The following AGTR1 variants were observed in gnomAD, a reference collection of about 807,000 sequenced individuals.
AGTR1 encodes angiotensin II receptor type 1.
A neutral mutation model predicts 19.4 loss-of-function variants in AGTR1; 16 were observed. That is an observed-to-expected ratio of 0.82 (90% CI 0.56 to 1.25). The LOEUF (loss-of-function observed/expected upper bound fraction) is 1.25, where lower values mean the gene tolerates loss of function less well. Ranked by LOEUF, AGTR1 falls within the 50% of genes most tolerant of loss-of-function variation. The pLI, the probability that AGTR1 is intolerant of heterozygous loss-of-function variation, is 0.00. For missense variants in AGTR1, 373 were observed against 431.9 expected (o/e 0.86, Z 1.21); for synonymous variants, 153 against 154.9 (o/e 0.99, Z 0.09).
intron 2 of AGTR1, among the ~76,000 whole-genome samples, chr3:148,725,682 C>T (rs1481458449): frequency 1.3e-5 from 2 of 152,056 alleles, no homozygotes; most frequent in Non-Finnish European, 2.9e-5. Flanking sequence ...GGGGTTTCAC[C>T]ATGTTGGCCA....
At position 148,741,920 on chromosome 3, in the gene AGTR1, T is replaced by C. The variant is rs1288771459; in HGVS notation, c.885T>C (p.Asn295=). The C allele has an allele frequency of 1.2e-6, 2 of 1,614,128 alleles. No individual in the cohort carries two copies. Among genetic ancestry groups the C allele is most frequent in the East Asian group, 2.2e-5 (1 of 44,884 alleles). Residue 295 remains asparagine, a synonymous_variant, in exon 3 of 3, where the codon AAT becomes AAC. Transcript: ENST00000349243. The part of the protein sequence containing the change: ...PITICIAYFN[N]CLNPLFYGFL... The stretch of plus-strand genomic sequence containing the variant: ...CCATTTGTATAGCTTATTTTAACAA[T>C]TGCCTGAATCCTCTTTTTTATGGCT...
chr3:148,707,683 C>A (rs1712748391), intron 1 of AGTR1, among the ~76,000 whole-genome samples: 1 of 152,062 alleles, frequency 6.6e-6, no homozygotes, highest in Non-Finnish European at 1.5e-5. Context: ...CTAAAACGTT[C>A]TTTTTCTCTT....
At chr3:148,698,656 C>T (rs1712133988) in intron 1 of AGTR1, among the ~76,000 whole-genome samples, 1 of 152,128 alleles carries the variant, frequency 6.6e-6, no homozygotes, top group Admixed American at 6.5e-5. Flanking sequence ...GGGTCCTAGA[C>T]ACGGGACATC....
At chr3:148,718,010 C>T (rs554085867) in intron 2 of AGTR1, among the ~76,000 whole-genome samples, 1 of 152,188 alleles carries the variant, frequency 6.6e-6, no homozygotes, top group African/African-American at 2.4e-5. Flanking sequence ...TGAAATGAAC[C>T]CAGCTGATCT....
Position 148,741,443 on chromosome 3 carries a change from C to A in AGTR1, c.408C>A (p.Ser136=), listed in dbSNP as rs1467552528. Residue 136 remains serine (S), a synonymous_variant, in exon 3 of 3, where the codon TCC becomes TCA. Coordinates refer to ENST00000349243, the MANE Select transcript of AGTR1 (RefSeq NM_000685.5). ...RYLAIVHPMK[S]RLRRTMLVAK... ...TGGCTATTGTTCACCCAATGAAGTC[C>A]CGCCTTCGACGCACAATGCTTGTAG... is the stretch of plus-strand genomic sequence containing the variant. 1.6e-5 allele frequency: 25 copies of A among 1,608,856 alleles called. No homozygotes were observed. Among genetic ancestry groups the A allele is most frequent in the East Asian group, 2.2e-5 (1 of 44,880 alleles).
Position 148,741,961 on chromosome 3 carries a change from T to G in AGTR1, c.926T>G (p.Phe309Cys), listed in dbSNP as rs549928178. The change falls in exon 3 of 3, where the codon TTT (phenylalanine) becomes TGT (cysteine). Residue 309 changes from phenylalanine to cysteine, a missense_variant. Physicochemically the swap from Phe to Cys is radical, Grantham distance 205. Transcript: ENST00000349243. Reference protein sequence around the residue: ...PLFYGFLGKKFKRYFLQLLKY... With the variant: ...PLFYGFLGKKCKRYFLQLLKY... The stretch of plus-strand genomic sequence containing the variant: ...TTTTATGGCTTTCTGGGGAAAAAAT[T>G]TAAAAGATATTTTCTCCAGCTTCTA... 3.7e-6 allele frequency: 6 copies of G among 1,613,736 alleles called. No individual in the cohort carries two copies. Among genetic ancestry groups the G allele is most frequent in the Admixed American group, 1.7e-5 (1 of 59,954 alleles).
intron 2 of AGTR1, among the ~76,000 whole-genome samples, chr3:148,736,635 GA>G (rs1000765650): frequency 1.3e-5 from 2 of 151,846 alleles, no homozygotes; most frequent in Non-Finnish European, 2.9e-5. Context: ...TCCTACAGAT[GA>G]AAAAAAACTG....
intron 2 of AGTR1, among the ~76,000 whole-genome samples, chr3:148,739,596 G>A (rs1488881805): frequency 6.6e-6 from 1 of 152,164 alleles, no homozygotes. Flanking sequence ...TACTTACTCA[G>A]GGAAGGCAAA....
intron 2 of AGTR1, among the ~76,000 whole-genome samples, chr3:148,724,085 A>G (rs1321511613): frequency 6.6e-6 from 1 of 152,158 alleles, no homozygotes; most frequent in Non-Finnish European, 1.5e-5. Context: ...AAAACATTTT[A>G]AAATAGGATC....
At chr3:148,720,492 A>C (rs1201890321) in intron 2 of AGTR1, among the ~76,000 whole-genome samples, 1 of 152,196 alleles carries the variant, frequency 6.6e-6, no homozygotes, top group African/African-American at 2.4e-5. Flanking sequence ...TCAAATCAAA[A>C]ATAATATATT....
Position 148,723,374 on chromosome 3 carries a change from C to T in AGTR1, c.-48+15347C>T, listed in dbSNP as rs148208327. On this transcript the variant is annotated intron_variant, in intron 2 of 2. Coordinates refer to ENST00000349243, the MANE Select transcript of AGTR1 (RefSeq NM_000685.5). ...AAAATATTTTAAAATGTAAACTCCT[C>T]ACCAGTCATCTAGCCAGGGCCACTG... Among the ~76,000 whole-genome samples, 44 of 152,282 alleles carry T rather than the reference C, an allele frequency of 2.9e-4. No homozygotes were observed. In the East Asian group the frequency reaches 8.5e-3, roughly 29 times the overall value.
At chr3:148,728,234 GGGAA>G (rs1714065016) in intron 2 of AGTR1, among the ~76,000 whole-genome samples, 1 of 152,118 alleles carries the variant, frequency 6.6e-6, no homozygotes, top group African/African-American at 2.4e-5. Context: ...CCTGAGCAAT[GGGAA>G]TAATGATGCC....
intron 2 of AGTR1, among the ~76,000 whole-genome samples, chr3:148,709,491 T>G (rs1056066554): frequency 6.6e-6 from 1 of 152,148 alleles, no homozygotes; most frequent in African/African-American, 2.4e-5. Flanking sequence ...GAAGAAAACA[T>G]TCTGTGAAAT....
At chr3:148,739,058 G>T (rs1386549002) in intron 2 of AGTR1, among the ~76,000 whole-genome samples, 1 of 152,138 alleles carries the variant, frequency 6.6e-6, no homozygotes, top group Non-Finnish European at 1.5e-5. Flanking sequence ...GTCAACAGAT[G>T]ATTACAATAA....
chr3:148,734,779 T>G (rs1271682373), intron 2 of AGTR1, among the ~76,000 whole-genome samples: 1 of 152,150 alleles, frequency 6.6e-6, no homozygotes, highest in African/African-American at 2.4e-5. Flanking sequence ...CTGCCATGCT[T>G]CCCTCTTCGT....
At chr3:148,706,941 G>A (rs564933948) in intron 1 of AGTR1, among the ~76,000 whole-genome samples, 4 of 151,906 alleles carry the variant, frequency 2.6e-5, no homozygotes, top group Admixed American at 1.3e-4. Context: ...TCAACAGTCT[G>A]TTAGAATTTA....
At chr3:148,735,784 T>A (rs950358202) in intron 2 of AGTR1, among the ~76,000 whole-genome samples, 1 of 152,144 alleles carries the variant, frequency 6.6e-6, no homozygotes, top group Admixed American at 6.5e-5. Flanking sequence ...GGAAGCAACA[T>A]AGGAGCAGAA....
At position 148,731,450 on chromosome 3, in the gene AGTR1, T is replaced by C. The variant is rs111951219; in HGVS notation, c.-47-9539T>C. 13 of 152,324 alleles carry C rather than the reference T, an allele frequency of 8.5e-5. 1 individual carries two copies. Among genetic ancestry groups the C allele is most frequent in the African/African-American group, 3.1e-4 (13 of 41,578 alleles). The allele number at this position is 152,324 out of a possible 1,614,324, so 9.4% of individuals were successfully genotyped here. A position where few individuals can be genotyped will look rare whatever the true frequency, so the allele number is the denominator to read the frequency against. ...CTTCAAACTAAAAACATTATTATAA[T>C]AATGAAAAATATTTCTGCTGAACTT... On this transcript the variant is annotated intron_variant, in intron 2 of 2. Coordinates refer to ENST00000349243, the MANE Select transcript of AGTR1 (RefSeq NM_000685.5).
intron 2 of AGTR1, among the ~76,000 whole-genome samples, chr3:148,728,333 A>T (rs754516725): frequency 2.0e-5 from 3 of 152,228 alleles, no homozygotes; most frequent in Non-Finnish European, 4.4e-5. Context: ...ATAAGTGATC[A>T]GTGTTACTAT....
Sources: gnomAD v4.1 joint callset for allele counts (sites outside exome capture counted in the v4.1 genomes callset) on GRCh38, gnomAD v4.1.1 for gene constraint, MANE v1.5 for transcripts, NCBI Gene and HGNC (gene_info 2026-07-23, HGNC 2026-07-21) for gene names.